Variants in MSH3 observed in about 807,000 individuals in gnomAD.
MSH3 encodes the protein DNA mismatch repair protein Msh3.
Under a neutral mutation model 123.3 loss-of-function variants are expected in MSH3, and 106 were observed. That is an observed-to-expected ratio of 0.86 (90% CI 0.73 to 1.01). MSH3 has a LOEUF of 1.01. MSH3 is among the 50% of genes least tolerant of loss of function. MSH3 has a pLI of 0.00. For missense variants in MSH3, 1,459 were observed against 1,347.6 expected, an observed-to-expected ratio of 1.08 and a Z score of -1.29; for synonymous variants, 515 against 481.4, an observed-to-expected ratio of 1.07 and a Z score of -0.91.
chr5:80,828,023 G>A (rs1364008157), intron 20 of MSH3, among the ~76,000 whole-genome samples: 1 of 152,044 alleles, frequency 6.6e-6, no homozygotes, highest in African/African-American at 2.4e-5. Flanking sequence ...CCCCACCAGA[G>A]TACTCCCTTT....
chr5:80,808,920 A>C lies in MSH3; in HGVS notation c.2656-4664A>C, dbSNP rs551608261. On this transcript the variant is annotated intron_variant, in intron 19 of 23. Transcript: ENST00000265081. The stretch of plus-strand genomic sequence containing the variant: ...TTCGAAGAGAGCAATATTTCTATTC[A>C]TGTAAATGCCATACACATTTTACTC... Among the ~76,000 whole-genome samples the C allele has an allele frequency of 3.2e-3, 463 of 143,926 alleles. 7 individuals are homozygous for C. The highest frequency in any genetic ancestry group is 7.4e-3 in the African/African-American group (287 of 38,988). The allele number at this position is 143,926 out of a possible 152,430, so 94.4% of individuals were successfully genotyped here.
At chr5:80,761,433 T>C in intron 12 of MSH3, 113 bp from the exon 13 acceptor site, 7 of 1,301,836 alleles carry the variant, frequency 5.4e-6, no homozygotes, top group Non-Finnish European at 7.8e-6. Context: ...GAAGGAGGAG[T>C]TTCCTTTGTG....
At chr5:80,810,168 C>CATATATATATATATATATATATATAT (rs1461060092) in intron 19 of MSH3, among the ~76,000 whole-genome samples, 1 of 32,036 alleles carries the variant, frequency 3.1e-5, no homozygotes, top group African/African-American at 1.1e-4. Context: ...TTTTGTTTGA[C>CATATATATATATATATATATATATAT]ATACATATAT....
chr5:80,875,497 C>A (rs1013990730), intron 23 of MSH3, among the ~76,000 whole-genome samples: 2 of 152,090 alleles, frequency 1.3e-5, no homozygotes, highest in African/African-American at 4.8e-5. Context: ...TCAGGTTCTC[C>A]CCTCTGGGGC....
chr5:80,830,465 C>T (rs1238020962), intron 20 of MSH3, among the ~76,000 whole-genome samples: 1 of 152,310 alleles, frequency 6.6e-6, no homozygotes, highest in East Asian at 1.9e-4. Context: ...TATAAGGATG[C>T]AGCCTCTGGT....
intron 8 of MSH3, among the ~76,000 whole-genome samples, chr5:80,681,043 C>G (rs1749960382): frequency 6.6e-6 from 1 of 151,888 alleles, no homozygotes; most frequent in South Asian, 2.1e-4. Context: ...TGATTGCTTG[C>G]TAGAAATGGT....
At chr5:80,719,034 T>G (rs576171390) in intron 8 of MSH3, among the ~76,000 whole-genome samples, 1 of 152,224 alleles carries the variant, frequency 6.6e-6, no homozygotes, top group Non-Finnish European at 1.5e-5. Context: ...CTAGTTTCTT[T>G]TAGTAGGAAA....
At chr5:80,842,966 C>T (rs369951233) in intron 20 of MSH3, among the ~76,000 whole-genome samples, 31 of 152,256 alleles carry the variant, frequency 2.0e-4, no homozygotes, top group East Asian at 1.9e-3. Context: ...TGAGAGAGAG[C>T]ATCCTTGTCA....
chr5:80,660,885 C>T (rs997434438), intron 2 of MSH3, among the ~76,000 whole-genome samples: 1 of 152,094 alleles, frequency 6.6e-6, no homozygotes, highest in Non-Finnish European at 1.5e-5. Context: ...GCAACCTCTG[C>T]CCCGCCAAGT....
At chr5:80,757,755 A>T (rs1189638934) in intron 12 of MSH3, among the ~76,000 whole-genome samples, 1 of 152,074 alleles carries the variant, frequency 6.6e-6, no homozygotes, top group Non-Finnish European at 1.5e-5. Context: ...CTATCACTCC[A>T]TCTGTCATTA....
chr5:80,763,553 A>G (rs1418284516), intron 13 of MSH3, among the ~76,000 whole-genome samples: 2 of 152,240 alleles, frequency 1.3e-5, no homozygotes, highest in African/African-American at 4.8e-5. Context: ...AAATTGATGC[A>G]TATTAACCTT....
At chr5:80,687,518 A>C (rs1416976750) in intron 8 of MSH3, among the ~76,000 whole-genome samples, 1 of 152,074 alleles carries the variant, frequency 6.6e-6, no homozygotes, top group African/African-American at 2.4e-5. Flanking sequence ...GGCTGTATGA[A>C]GGAGGTGGGG....
chr5:80,786,383 T>C lies in MSH3; in HGVS notation c.2436-1182T>C, dbSNP rs1744509596. Among the ~76,000 whole-genome samples the C allele has an allele frequency of 2.0e-5, 3 of 152,206 alleles. No individual in the cohort carries two copies. In the South Asian group the frequency reaches 6.2e-4, roughly 31 times the overall value. ...GGTAATGAAGACCTACCTTTATGGT[T>C]GTTGTAAAGAATATGTAGTGGCTTC... On this transcript the variant is annotated intron_variant, in intron 17 of 23. Transcript: ENST00000265081.
chr5:80,854,067 A>T (rs934650857), intron 20 of MSH3, 63 bp from the exon 21 acceptor site: 3 of 1,280,502 alleles, frequency 2.3e-6, no homozygotes, highest in Non-Finnish European at 3.4e-6. Context: ...TTCATAAAAT[A>T]ATGTTCGGCT....
intron 8 of MSH3, among the ~76,000 whole-genome samples, chr5:80,697,077 C>A (rs1365134076): frequency 1.3e-5 from 2 of 152,264 alleles, no homozygotes; most frequent in Non-Finnish European, 2.9e-5. Flanking sequence ...GAAAATTTTG[C>A]CAGCTCTCCA....
rs528705156 is a variant in MSH3, at chr5:80,750,062, C to T, written c.1763+5447C>T. The stretch of plus-strand genomic sequence containing the variant: ...GAATTTACTGCTTTTTTTTTTAAGG[C>T]TGAATAGTATTCCAGAGTGTGTGTG... On this transcript the variant is annotated intron_variant, in intron 12 of 23. Coordinates refer to ENST00000265081, the MANE Select transcript of MSH3 (RefSeq NM_002439.5). Among the ~76,000 whole-genome samples the T allele has an allele frequency of 1.1e-4, 12 of 113,536 alleles. No individual in the cohort carries two copies. The East Asian group carries it at 3.0e-3, about 29-fold the overall frequency. The allele number at this position is 113,536 out of a possible 152,430, so 74.5% of individuals were successfully genotyped here.
chr5:80,700,749 TCTC>T (rs1178785535), intron 8 of MSH3, among the ~76,000 whole-genome samples: 1 of 152,202 alleles, frequency 6.6e-6, no homozygotes, highest in Non-Finnish European at 1.5e-5. Flanking sequence ...TCAAGTGCAT[TCTC>T]CTCAGGAATA....
chr5:80,657,235 G>A (rs1279927391), intron 2 of MSH3, among the ~76,000 whole-genome samples: 1 of 152,184 alleles, frequency 6.6e-6, no homozygotes, highest in Non-Finnish European at 1.5e-5. Flanking sequence ...GAGGTCAGGA[G>A]TTTAAGACCA....
At chr5:80,842,097 G>T (rs1407834292) in intron 20 of MSH3, among the ~76,000 whole-genome samples, 3 of 152,150 alleles carry the variant, frequency 2.0e-5, no homozygotes, top group African/African-American at 7.2e-5. Context: ...GTGTAAGGAA[G>T]GGATCCAGTT....
Sources: gnomAD v4.1 joint callset for allele counts (sites outside exome capture counted in the v4.1 genomes callset) on GRCh38, gnomAD v4.1.1 for gene constraint, MANE v1.5 for transcripts, NCBI Gene and HGNC (gene_info 2026-07-23, HGNC 2026-07-21) for gene names.